The following SYNRG variants were observed in gnomAD, a reference collection of about 807,000 sequenced individuals.
The protein encoded by SYNRG is synergin gamma, also known as AP1 gamma subunit binding protein 1.
SYNRG carries 37 observed loss-of-function variants against 130.9 expected under a neutral mutation model. That is an observed-to-expected ratio of 0.28 (90% confidence interval 0.22 to 0.37). The LOEUF (loss-of-function observed/expected upper bound fraction) is 0.37, where lower values mean the gene tolerates loss of function less well. SYNRG is among the 10% of genes least tolerant of loss of function. The probability of loss-of-function intolerance (pLI) is 1.00; values close to 1 mark genes in which losing one functional copy is unlikely to be tolerated. For missense variants in SYNRG, 1,338 were observed against 1,588.9 expected (o/e 0.84, Z 2.68); for synonymous variants, 539 against 568.1 (o/e 0.95, Z 0.73).
chr17:37,600,721 A>G (rs948657677), intron 1 of SYNRG: 32 of 452,440 alleles, frequency 7.1e-5, no homozygotes, highest in Middle Eastern at 6.4e-4. Flanking sequence ...GTCAACATCT[A>G]TTGAGTGTCA....
At chr17:37,604,602 T>C (rs2063582527) in intron 1 of SYNRG, among the ~76,000 whole-genome samples, 1 of 152,234 alleles carries the variant, frequency 6.6e-6, no homozygotes, top group Non-Finnish European at 1.5e-5. Context: ...TTCTTAACAT[T>C]TGTGTTTCCT....
At position 37,586,505 on chromosome 17, in the gene SYNRG, G is replaced by A. The variant is rs1198377666; in HGVS notation, c.285C>T (p.Tyr95=). 2 of 1,614,166 alleles carry A rather than the reference G, an allele frequency of 1.2e-6. No individual in the cohort carries two copies. Among genetic ancestry groups the A allele is most frequent in the South Asian group, 2.2e-5 (2 of 91,086 alleles). ...TGCCCAGGAAGGGTGCTTGTCCTAG[G>A]TAAGGCATTCCCGCTGCTGGCATTG... is the stretch of plus-strand genomic sequence containing the variant. ...MGPMPAAGMP[Y]LGQAPFLGMR... is the part of the protein sequence containing the mutation. Residue 95 remains tyrosine, a synonymous_variant, in exon 4 of 22, where the codon TAC becomes TAT. Coordinates refer to ENST00000612223, the MANE Select transcript of SYNRG (RefSeq NM_007247.6).
At chr17:37,557,879 C>T (rs2059237050) in intron 13 of SYNRG, among the ~76,000 whole-genome samples, 1 of 152,136 alleles carries the variant, frequency 6.6e-6, no homozygotes, top group South Asian at 2.1e-4. Flanking sequence ...AAAGGCAGGA[C>T]TAAGGTACTG....
chr17:37,572,077 T>A, intron 8 of SYNRG, 90 bp from the exon 9 acceptor site: 2 of 1,099,694 alleles, frequency 1.8e-6, no homozygotes, highest in Non-Finnish European at 2.7e-6. Flanking sequence ...AGAATAATCT[T>A]CAACAAAACT....
chr17:37,605,651 A>T (rs1367840296), intron 1 of SYNRG, among the ~76,000 whole-genome samples: 3 of 152,258 alleles, frequency 2.0e-5, no homozygotes. Context: ...TAGACAACTA[A>T]TAACAACATG....
intron 8 of SYNRG, among the ~76,000 whole-genome samples, chr17:37,573,969 A>T (rs900815168): frequency 1.3e-5 from 2 of 152,214 alleles, no homozygotes; most frequent in Non-Finnish European, 2.9e-5. Context: ...ACAAAACTGG[A>T]GGAATTACAG....
rs368653756 is a variant in SYNRG, at chr17:37,519,003, G to C, written c.3882C>G (p.Ala1294=). Reference sequence around the variant, plus strand: ...GTTCGACACAGTTGATCCAGAAGTTGGCACAGCTGGCGTGATACTGGTGCC... The same window carrying C: ...GTTCGACACAGTTGATCCAGAAGTTCGCACAGCTGGCGTGATACTGGTGCC... ...YGGHQYHASC[A]NFWINCVEPK... Residue 1294 remains alanine, a synonymous_variant, in exon 22 of 22, where the codon GCC becomes GCG. Coordinates refer to ENST00000612223, the MANE Select transcript of SYNRG (RefSeq NM_007247.6). 6.2e-7 allele frequency: 1 copy of C among 1,614,232 alleles called. No individual in the cohort carries two copies. The highest frequency in any genetic ancestry group is 8.5e-7 in the Non-Finnish European group (1 of 1,180,046).
chr17:37,546,973 A>G (rs987473184), intron 14 of SYNRG, among the ~76,000 whole-genome samples: 3 of 152,166 alleles, frequency 2.0e-5, no homozygotes, highest in African/African-American at 7.2e-5. Context: ...TCATATTCAT[A>G]TTCTCTATTA....
At chr17:37,540,716 C>A (rs1315355857) in intron 15 of SYNRG, 173 bp from the exon 16 acceptor site, 1 of 783,444 alleles carries the variant, frequency 1.3e-6, no homozygotes, top group East Asian at 3.1e-5. Context: ...CTCAGTGCAA[C>A]CTCCGCCTCC....
chr17:37,608,780 A>C (rs1251467209), intron 1 of SYNRG, among the ~76,000 whole-genome samples: 1 of 152,190 alleles, frequency 6.6e-6, no homozygotes, highest in Non-Finnish European at 1.5e-5. Context: ...GGAAATAAAG[A>C]GGACAGGACA....
At chr17:37,574,738 A>G (rs527251744) in intron 8 of SYNRG, among the ~76,000 whole-genome samples, 2 of 152,260 alleles carry the variant, frequency 1.3e-5, no homozygotes, top group East Asian at 3.9e-4. Flanking sequence ...CTTTTATCCA[A>G]AAGACAGGCA....
intron 1 of SYNRG, chr17:37,605,867 A>C (rs1385678245): frequency 3.0e-6 from 3 of 985,314 alleles, no homozygotes; most frequent in East Asian, 2.3e-4. Flanking sequence ...CTACTAACCT[A>C]GATTTGACAC....
chr17:37,590,899 C>T (rs184720405), intron 3 of SYNRG, among the ~76,000 whole-genome samples: 4 of 152,092 alleles, frequency 2.6e-5, no homozygotes, highest in Non-Finnish European at 5.9e-5. Context: ...CAAGCCTGGG[C>T]GACAGAGTAG....
At position 37,577,695 on chromosome 17, in the gene SYNRG, C is replaced by CTTTTTTTTTT. The variant is rs34008016; in HGVS notation, c.590-92_590-83dup. ...AACCATCCATCTCCACCCCCATATT[C>CTTTTTTTTTT]TTTTTTTTTTTTTTTTTTTTTGAGA... is the stretch of plus-strand genomic sequence containing the variant. On this transcript the variant is annotated intron_variant, in intron 6 of 21. Transcript: ENST00000612223. 1.6e-5 allele frequency: 8 copies of CTTTTTTTTTT among 514,042 alleles called. No homozygotes were observed. In the African/African-American group the frequency reaches 2.2e-4, roughly 14 times the overall value. 31.8% of individuals were successfully genotyped at this position (514,042 alleles called of 1,614,324 possible). A position where few individuals can be genotyped will look rare whatever the true frequency, so the allele number is the denominator to read the frequency against.
Position 37,577,695 on chromosome 17 carries a change from C to CTT in SYNRG, c.590-84_590-83dup, listed in dbSNP as rs34008016. On this transcript the variant is annotated intron_variant, in intron 6 of 21. Coordinates refer to ENST00000612223, the MANE Select transcript of SYNRG (RefSeq NM_007247.6). ...AACCATCCATCTCCACCCCCATATT[C>CTT]TTTTTTTTTTTTTTTTTTTTTGAGA... is the stretch of plus-strand genomic sequence containing the variant. The CTT allele has an allele frequency of 7.6e-3, 4,436 of 581,126 alleles. 90 individuals carry two copies. Among genetic ancestry groups the CTT allele is most frequent in the African/African-American group, 0.046 (1,741 of 37,756 alleles). 36.0% of individuals were successfully genotyped at this position (581,126 alleles called of 1,614,324 possible).
At chr17:37,593,278 T>C (rs573922024) in intron 3 of SYNRG, among the ~76,000 whole-genome samples, 20 of 152,134 alleles carry the variant, frequency 1.3e-4, no homozygotes, top group Non-Finnish European at 2.5e-4. Context: ...CCAGATGTGG[T>C]GGCATGCACC....
At chr17:37,521,001 G>A (rs1409141649) in intron 19 of SYNRG, among the ~76,000 whole-genome samples, 4 of 151,478 alleles carry the variant, frequency 2.6e-5, no homozygotes, top group African/African-American at 7.3e-5. Flanking sequence ...GGGGCCTGAA[G>A]CCAGAGACTG....
chr17:37,593,913 A>G (rs2062441281), intron 3 of SYNRG, among the ~76,000 whole-genome samples: 1 of 152,004 alleles, frequency 6.6e-6, no homozygotes, highest in Admixed American at 6.6e-5. Flanking sequence ...GCAGCTTCCA[A>G]ACAGTATAAT....
rs572947828 is a variant in SYNRG at position 37,524,628 on chromosome 17, T to A, written c.3667-3980A>T. Among the ~76,000 whole-genome samples the A allele has an allele frequency of 6.4e-3, 982 of 152,338 alleles. 14 individuals are homozygous for A. Among genetic ancestry groups the A allele is most frequent in the African/African-American group, 0.023 (938 of 41,570 alleles). On this transcript the variant is annotated intron_variant, in intron 19 of 21. Coordinates refer to ENST00000612223, the MANE Select transcript of SYNRG (RefSeq NM_007247.6). Reference sequence around the variant, plus strand: ...TGTAGTGCAACTGTGGTCACTCTGGTCAAATGTGGAAGACGCTGGTGCTAA... The same window carrying A: ...TGTAGTGCAACTGTGGTCACTCTGGACAAATGTGGAAGACGCTGGTGCTAA...
Sources: allele counts gnomAD v4.1 joint callset (sites outside exome capture counted in the v4.1 genomes callset), GRCh38; gene constraint gnomAD v4.1.1; transcripts MANE v1.5; gene names NCBI Gene and HGNC (gene_info 2026-07-23, HGNC 2026-07-21).